The following CDK4 variants were observed in gnomAD, a reference collection of about 807,000 sequenced individuals.
CDK4 encodes cyclin-dependent kinase 4.
A neutral mutation model predicts 36.7 loss-of-function variants in CDK4; 13 were observed. That is an observed-to-expected ratio of 0.35 (90% CI 0.23 to 0.56). The LOEUF (loss-of-function observed/expected upper bound fraction) is 0.56, where lower values mean the gene tolerates loss of function less well. Among genes scored for constraint, CDK4 ranks in the 20% least tolerant of loss-of-function variants. CDK4 has a pLI of 0.85. For synonymous variants in CDK4, 158 were observed against 146.4 expected (o/e 1.08, Z -0.57); for missense variants, 285 against 387.3 (o/e 0.74, Z 2.22).
Position 57,749,250 on chromosome 12 carries a change from G to A in CDK4, c.751C>T (p.Pro251Ser), listed in dbSNP as rs2140382870. The change falls in exon 7 of 8, where the codon CCC becomes TCC. Residue 251 changes from proline (P) to serine (S), a missense_variant. Transcript: ENST00000257904. ...DVSLPRGAFP[P>S]RGPRPVQSVV... is the part of the protein sequence containing the mutation. Reference sequence around the variant, plus strand: ...GACTGCACTGGGCGGGGCCCTCTGGGGGGAAAGGCTCCACGGGGCAGGGAT... The same window carrying A: ...GACTGCACTGGGCGGGGCCCTCTGGAGGGAAAGGCTCCACGGGGCAGGGAT... The A allele has an allele frequency of 1.2e-6, 2 of 1,614,098 alleles. No homozygotes were observed. The highest frequency in any genetic ancestry group is 1.7e-6 in the Non-Finnish European group (2 of 1,179,948).
Position 57,749,331 on chromosome 12 carries a change from G to A in CDK4, c.684-14C>T, listed in dbSNP as rs750471090. 6 of 1,614,070 alleles carry A rather than the reference G, an allele frequency of 3.7e-6. No individual in the cohort carries two copies. In the East Asian group the frequency reaches 6.7e-5, roughly 18 times the overall value. ...AGCCCAATCAGGCTGTGGGGGACAG[G>A]AGAACTCTGGTCAGGAGGGTCCTCC... On this transcript the variant is annotated splice_polypyrimidine_tract_variant and intron_variant, in intron 6 of 7. Coordinates refer to ENST00000257904, the MANE Select transcript of CDK4 (RefSeq NM_000075.4).
intron 7 of CDK4, chr12:57,748,831 A>T: frequency 1.8e-6 from 1 of 563,144 alleles, no homozygotes; most frequent in Non-Finnish European, 3.2e-6. Context: ...TCAGCCTCCC[A>T]AGTAGCTGAG....
At chr12:57,750,788 A>G (rs1218549387) in intron 4 of CDK4, 23 bp from the exon 5 acceptor site, 1 of 1,604,860 alleles carries the variant, frequency 6.2e-7, no homozygotes, top group Admixed American at 1.7e-5. Flanking sequence ...GGAAGAATGG[A>G]TGGGGACCCC....
At position 57,748,489 on chromosome 12, in the gene CDK4, C is replaced by A. The variant is rs2140380808; in HGVS notation, c.*36G>T. 1 of 1,471,564 alleles carries A rather than the reference C, an allele frequency of 6.8e-7. No individual in the cohort carries two copies. The highest frequency in any genetic ancestry group is 9.5e-7 in the Non-Finnish European group (1 of 1,050,598). The allele number at this position is 1,471,564 out of a possible 1,614,324, so 91.2% of individuals were successfully genotyped here. ...CTCTCAGTGTCCAGAAGGGAAATGG[C>A]AGCTTTTCTTCCTTCCATGGCAGCC... On this transcript the variant is annotated 3_prime_UTR_variant, in exon 8 of 8. Coordinates refer to ENST00000257904, the MANE Select transcript of CDK4 (RefSeq NM_000075.4).
In CDK4 at chr12:57,751,695, G is replaced by A. The variant is rs2140388756; in HGVS notation, c.23C>T (p.Pro8Leu). The change falls in exon 2 of 8, where the codon CCA becomes CTA. Residue 8 changes from proline (P) to leucine (L), a missense_variant. Transcript: ENST00000257904. This position sits in a 1 kb window ranked among gnomAD's most constrained non-coding sequence, Gnocchi z 4.5. Reference protein sequence around the residue: MATSRYEPVAEIGVGAYG... With the variant: MATSRYELVAEIGVGAYG... ...GGCACCGACACCAATTTCAGCCACTGGCTCATATCGAGAGGTAGCCATTCT... is the reference window on the plus strand; with the variant it reads ...GGCACCGACACCAATTTCAGCCACTAGCTCATATCGAGAGGTAGCCATTCT... 6.2e-7 allele frequency: 1 copy of A among 1,614,190 alleles called. No individual in the cohort carries two copies. The highest frequency in any genetic ancestry group is 1.1e-5 in the South Asian group (1 of 91,084).
intron 5 of CDK4, chr12:57,749,813 A>T (rs1395547378): frequency 2.3e-6 from 1 of 428,086 alleles, no homozygotes; most frequent in Non-Finnish European, 4.3e-6. Flanking sequence ...CCTGGCCAAC[A>T]TGGTGAAACC....
chr12:57,749,679 C>G, intron 5 of CDK4, 175 bp from the exon 6 acceptor site: 1 of 671,718 alleles, frequency 1.5e-6, no homozygotes, highest in Admixed American at 2.6e-5. Flanking sequence ...TCAGCCTGGG[C>G]AAGCAAGACC....
chr12:57,750,184 TAAATAAATAAA>T (rs1955218201), intron 5 of CDK4: 1 of 149,520 alleles, frequency 6.7e-6, no homozygotes, highest in Non-Finnish European at 1.5e-5. Flanking sequence ...AATAAATAAA[TAAATAAATAAA>T]TAAAAAATAA....
In CDK4 at chr12:57,750,627, A is replaced by G. The variant is rs1217739146; in HGVS notation, c.632+29T>C. 3 of 1,454,066 alleles carry G rather than the reference A, an allele frequency of 2.1e-6. No individual in the cohort carries two copies. The African/African-American group carries it at 4.2e-5, about 20-fold the overall frequency. The allele number at this position is 1,454,066 out of a possible 1,614,324, so 90.1% of individuals were successfully genotyped here. On this transcript the variant is annotated intron_variant, in intron 5 of 7. Coordinates refer to ENST00000257904, the MANE Select transcript of CDK4 (RefSeq NM_000075.4). ...ATGAACAAGCGATTTGGGGAATTCA[A>G]GGTAGTCCAGGGTATGTGGGTCCCA... is the stretch of plus-strand genomic sequence containing the variant.
intron 5 of CDK4, chr12:57,749,918 A>T (rs996710122): frequency 3.6e-6 from 1 of 276,736 alleles, no homozygotes; most frequent in Non-Finnish European, 7.0e-6. Context: ...AATTGCTTGA[A>T]TCTGGGAGGT....
rs1955184842 is a variant in CDK4 at position 57,748,421 on chromosome 12, A to G, written c.*104T>C. On this transcript the variant is annotated 3_prime_UTR_variant, in exon 8 of 8. Coordinates refer to ENST00000257904, the MANE Select transcript of CDK4 (RefSeq NM_000075.4). ...CAAAGTAATCTCTGTAGAAAGATGGAGGAGGACCCTCCATAGCCTCAGAGA... is the reference window on the plus strand; with the variant it reads ...CAAAGTAATCTCTGTAGAAAGATGGGGGAGGACCCTCCATAGCCTCAGAGA... 1 of 840,472 alleles carries G rather than the reference A, an allele frequency of 1.2e-6. No individual in the cohort carries two copies. Among genetic ancestry groups the G allele is most frequent in the African/African-American group, 1.7e-5 (1 of 60,040 alleles). The allele number at this position is 840,472 out of a possible 1,614,324, so 52.1% of individuals were successfully genotyped here. A position where few individuals can be genotyped will look rare whatever the true frequency, so the allele number is the denominator to read the frequency against.
Position 57,751,789 on chromosome 12 carries a change from T to C in CDK4, c.-19-53A>G. On this transcript the variant is annotated intron_variant, in intron 1 of 7. Transcript: ENST00000257904. This position sits in a 1 kb window ranked among gnomAD's most constrained non-coding sequence, Gnocchi z 4.5. ...AGTCGCTTACAGAGTTAGGATGGTATGAGCCTGCAGCAACAAAGGGACTCC... is the reference window on the plus strand; with the variant it reads ...AGTCGCTTACAGAGTTAGGATGGTACGAGCCTGCAGCAACAAAGGGACTCC... 1 of 1,360,176 alleles carries C rather than the reference T, an allele frequency of 7.4e-7. No individual in the cohort carries two copies. The highest frequency in any genetic ancestry group is 1.4e-5 in the African/African-American group (1 of 70,134). 84.3% of individuals were successfully genotyped at this position (1,360,176 alleles called of 1,614,324 possible). A position where few individuals can be genotyped will look rare whatever the true frequency, so the allele number is the denominator to read the frequency against.
rs754842686 is a variant in CDK4, at chr12:57,751,156, T to A, written c.354+51A>T. ...CACCATACCTGAAATCCCAGAAGGT[T>A]CTACTACAAAGGTCCCAATCCACCT... On this transcript the variant is annotated intron_variant, in intron 3 of 7. Transcript: ENST00000257904. The surrounding 1 kb of genome is among the most constrained non-coding windows in gnomAD (Gnocchi z 4.5). The A allele has an allele frequency of 6.2e-7, 1 of 1,614,112 alleles. No homozygotes were observed. Among genetic ancestry groups the A allele is most frequent in the Admixed American group, 1.7e-5 (1 of 60,030 alleles).
Position 57,748,590 on chromosome 12 carries a change from G to A in CDK4, c.847C>T (p.Arg283Ter), listed in dbSNP as rs1423966179. 4 of 1,613,718 alleles carry A rather than the reference G, an allele frequency of 2.5e-6. No individual in the cohort carries two copies. The highest frequency in any genetic ancestry group is 3.4e-6 in the Non-Finnish European group (4 of 1,179,742). Residue 283 changes from arginine to a stop codon, truncating the protein, a stop_gained, in exon 8 of 8, where the codon CGA becomes TGA. Coordinates refer to ENST00000257904, the MANE Select transcript of CDK4 (RefSeq NM_000075.4). LOFTEE classifies it high-confidence loss of function. ...LEMLTFNPHK[R>*]ISAFRALQHS... ...TGCAGAGCTCGAAAGGCAGAGATTC[G>A]CTTGTGTGGGTTAAAAGTCAGCATT...
rs1595110740 is a variant in CDK4, at chr12:57,751,270, G to T, written c.291C>A (p.Asp97Glu). The T allele has an allele frequency of 3.1e-6, 5 of 1,614,176 alleles. No homozygotes were observed. In the East Asian group the frequency reaches 1.1e-4, roughly 36 times the overall value. The change falls in exon 3 of 8, where the codon GAC becomes GAA. Residue 97 changes from aspartate to glutamate, a missense_variant. Asp to Glu is a conservative substitution (Grantham distance 45). Transcript: ENST00000257904. The surrounding 1 kb of genome is among the most constrained non-coding windows in gnomAD (Gnocchi z 4.5). Reference sequence around the variant, plus strand: ...TGTCCAGATATGTCCTTAGGTCCTGGTCTACATGCTCAAACACCAGGGTTA... The same window carrying T: ...TGTCCAGATATGTCCTTAGGTCCTGTTCTACATGCTCAAACACCAGGGTTA... ...IKVTLVFEHV[D>E]QDLRTYLDKA...
intron 1 of CDK4, 38 bp downstream of exon 1, chr12:57,752,137 G>C (rs1385419064): frequency 2.2e-5 from 7 of 324,896 alleles, no homozygotes; most frequent in Admixed American, 4.8e-5. Flanking sequence ...GAGGGGGGCG[G>C]GCACTGGTTC....
Position 57,751,809 on chromosome 12 carries a change from G to A in CDK4, c.-19-73C>T, listed in dbSNP as rs952968856. 41 of 1,107,758 alleles carry A rather than the reference G, an allele frequency of 3.7e-5. No individual in the cohort carries two copies. The highest frequency in any genetic ancestry group is 5.5e-5 in the Non-Finnish European group (41 of 749,188). The allele number at this position is 1,107,758 out of a possible 1,614,324, so 68.6% of individuals were successfully genotyped here. On this transcript the variant is annotated intron_variant, in intron 1 of 7. Transcript: ENST00000257904. This position sits in a 1 kb window ranked among gnomAD's most constrained non-coding sequence, Gnocchi z 4.5. ...TGGTATGAGCCTGCAGCAACAAAGG[G>A]ACTCCCAAAAAAAAAGCGCAAAGAA...
Position 57,751,822 on chromosome 12 carries a change from A to G in CDK4, c.-19-86T>C. ...CAGCAACAAAGGGACTCCCAAAAAAAAAGCGCAAAGAACACCACCAGCATC... is the reference window on the plus strand; with the variant it reads ...CAGCAACAAAGGGACTCCCAAAAAAGAAGCGCAAAGAACACCACCAGCATC... On this transcript the variant is annotated intron_variant, in intron 1 of 7. Transcript: ENST00000257904. The surrounding 1 kb of genome is among the most constrained non-coding windows in gnomAD (Gnocchi z 4.5). The G allele has an allele frequency of 1.0e-6, 1 of 964,512 alleles. No homozygotes were observed. Among genetic ancestry groups the G allele is most frequent in the Non-Finnish European group, 1.6e-6 (1 of 624,222 alleles). The allele number at this position is 964,512 out of a possible 1,614,324, so 59.7% of individuals were successfully genotyped here.
chr12:57,749,268 G>A lies in CDK4; in HGVS notation c.733C>T (p.Pro245Ser), dbSNP rs2140382959. 1 of 1,614,186 alleles carries A rather than the reference G, an allele frequency of 6.2e-7. No homozygotes were observed. Among genetic ancestry groups the A allele is most frequent in the Non-Finnish European group, 8.5e-7 (1 of 1,180,002 alleles). Residue 245 changes from proline (P) to serine (S), a missense_variant, in exon 7 of 8, where the codon CCC becomes TCC. Physicochemically the swap from Pro to Ser is moderately conservative, Grantham distance 74 (BLOSUM62 -1). Coordinates refer to ENST00000257904, the MANE Select transcript of CDK4 (RefSeq NM_000075.4). The part of the protein sequence containing the change: ...EDDWPRDVSL[P>S]RGAFPPRGPR... ...CCTCTGGGGGGAAAGGCTCCACGGGGCAGGGATACATCTCGAGGCCAGTCA... is the reference window on the plus strand; with the variant it reads ...CCTCTGGGGGGAAAGGCTCCACGGGACAGGGATACATCTCGAGGCCAGTCA...
Sources: allele counts gnomAD v4.1 joint callset, GRCh38; gene constraint gnomAD v4.1.1; non-coding constraint Gnocchi (gnomAD v3.1); transcripts MANE v1.5; gene names NCBI Gene and HGNC (gene_info 2026-07-23, HGNC 2026-07-21).